Variants in CCDC186 observed in about 807,000 individuals in gnomAD.
CCDC186 encodes coiled-coil domain containing 186.
CCDC186 carries 49 observed loss-of-function variants against 113.7 expected under a neutral mutation model. The ratio of observed to expected loss-of-function variants is 0.43; its 90% confidence interval spans 0.34 to 0.55. The LOEUF is 0.55. Among genes scored for constraint, CCDC186 ranks in the 20% least tolerant of loss-of-function variants. CCDC186 has a pLI of 0.02. For missense variants in CCDC186, 890 were observed against 1,011.1 expected (o/e 0.88, Z 1.62); for synonymous variants, 355 against 345.8 (o/e 1.03, Z -0.30).
chr10:114,127,252 T>C (rs1277437811), intron 14 of CCDC186, among the ~76,000 whole-genome samples: 1 of 152,220 alleles, frequency 6.6e-6, no homozygotes, highest in Non-Finnish European at 1.5e-5. Context: ...CTGAACTCTC[T>C]ATCACCTTAA....
At position 114,150,127 on chromosome 10, in the gene CCDC186, C is replaced by A. The variant is rs190514318; in HGVS notation, c.888+965G>T. Among the ~76,000 whole-genome samples the A allele has an allele frequency of 2.9e-4, 44 of 152,240 alleles. 1 individual carries two copies. The East Asian group carries it at 5.6e-3, about 19-fold the overall frequency. ...AGAATGCCATCTACAGTAGCAGCTTCGGGGTAGAAAGGGTGGGATCCATCA... is the reference window on the plus strand; with the variant it reads ...AGAATGCCATCTACAGTAGCAGCTTAGGGGTAGAAAGGGTGGGATCCATCA... On this transcript the variant is annotated intron_variant, in intron 4 of 15. Transcript: ENST00000369287.
chr10:114,157,743 G>C, intron 2 of CCDC186, 63 bp from the exon 3 acceptor site: 2 of 1,297,994 alleles, frequency 1.5e-6, no homozygotes, highest in Non-Finnish European at 2.1e-6. Flanking sequence ...ATAATATGTG[G>C]AATATAATTT....
chr10:114,140,574 G>A (rs551699179), intron 6 of CCDC186, among the ~76,000 whole-genome samples: 1 of 152,252 alleles, frequency 6.6e-6, no homozygotes, highest in African/African-American at 2.4e-5. Context: ...CAAGATGTTG[G>A]ATGTCAAATA....
chr10:114,153,837 G>T (rs1331868943), intron 3 of CCDC186, among the ~76,000 whole-genome samples: 1 of 148,512 alleles, frequency 6.7e-6, no homozygotes, highest in Non-Finnish European at 1.5e-5. Flanking sequence ...ACCTATACTT[G>T]CATCTTAAGA....
At chr10:114,149,753 GC>G (rs1442795971) in intron 4 of CCDC186, among the ~76,000 whole-genome samples, 11 of 38,634 alleles carry the variant, frequency 2.8e-4, no homozygotes, top group Non-Finnish European at 3.6e-4. Context: ...AGGCAGGAAG[GC>G]AGGAAGGAAG....
chr10:114,132,228 A>G, intron 10 of CCDC186, 44 bp from the exon 11 acceptor site: 1 of 1,354,564 alleles, frequency 7.4e-7, no homozygotes, highest in Non-Finnish European at 9.9e-7. Context: ...AACCATTAAA[A>G]GACATTAAAT....
intron 6 of CCDC186, among the ~76,000 whole-genome samples, chr10:114,139,549 C>T (rs1365294950): frequency 2.9e-5 from 4 of 137,782 alleles, no homozygotes; most frequent in Non-Finnish European, 6.1e-5. Flanking sequence ...GGCAACAGAG[C>T]AAGACTCCAT....
Position 114,126,304 on chromosome 10 carries a change from G to C in CCDC186, c.2394-199C>G, listed in dbSNP as rs76355802. 1.0e-3 allele frequency among the ~76,000 whole-genome samples: 156 copies of C among 152,256 alleles called. No homozygotes were observed. In the East Asian group the frequency reaches 0.021, roughly 20 times the overall value. ...GTTCTATTGTAGCATTCGGAGTAAAGACATATAAACATTGCTTTTCTATTT... is the reference window on the plus strand; with the variant it reads ...GTTCTATTGTAGCATTCGGAGTAAACACATATAAACATTGCTTTTCTATTT... On this transcript the variant is annotated intron_variant, in intron 14 of 15. Transcript: ENST00000369287.
In CCDC186 at chr10:114,167,827, A is replaced by T. The variant is rs1053721373; in HGVS notation, c.-61-4498T>A. On this transcript the variant is annotated intron_variant, in intron 1 of 15. Transcript: ENST00000369287. ...AAAAAAAAAAAAAAAAAAAAAAAAA[A>T]TTGTTAAAGTTAGCTGGGCATGGTG... Among the ~76,000 whole-genome samples, 42 of 141,018 alleles carry T rather than the reference A, an allele frequency of 3.0e-4. No homozygotes were observed. The South Asian group carries it at 9.1e-3, about 30-fold the overall frequency. The allele number at this position is 141,018 out of a possible 152,430, so 92.5% of individuals were successfully genotyped here.
Position 114,162,879 on chromosome 10 carries a change from T to C in CCDC186, c.390A>G (p.Ser130=), listed in dbSNP as rs564765817. 21 of 1,614,014 alleles carry C rather than the reference T, an allele frequency of 1.3e-5. No homozygotes were observed. In the East Asian group the frequency reaches 4.5e-4, roughly 34 times the overall value. The change falls in exon 2 of 16, where the codon TCA becomes TCG. Residue 130 remains serine (S), a synonymous_variant. Transcript: ENST00000369287. ...TTTCTGAATAAGTCTTTTCATTAGC[T>C]GATTCTGGAAATGTAGATGACCTTA... is the stretch of plus-strand genomic sequence containing the variant. ...VELRSSTFPE[S]ANEKTYSESP...
intron 6 of CCDC186, among the ~76,000 whole-genome samples, chr10:114,143,419 A>T (rs1411571255): frequency 1.3e-5 from 2 of 152,182 alleles, no homozygotes; most frequent in African/African-American, 4.8e-5. Context: ...GTTTTTATGA[A>T]TTTGGAATTT....
intron 3 of CCDC186, among the ~76,000 whole-genome samples, chr10:114,152,038 G>A (rs2031871960): frequency 6.6e-6 from 1 of 152,132 alleles, no homozygotes; most frequent in Admixed American, 6.6e-5. Context: ...CACTGCATAA[G>A]TACTTTGTTA....
chr10:114,154,210 CA>C (rs1276405190), intron 3 of CCDC186, among the ~76,000 whole-genome samples: 19,865 of 81,060 alleles, frequency 0.25, 1,255 homozygotes, highest in African/African-American at 0.3. Flanking sequence ...GACCTTGTCT[CA>C]AAAAAAAAAA....
At chr10:114,165,380 C>T (rs1371107154) in intron 1 of CCDC186, among the ~76,000 whole-genome samples, 3 of 152,188 alleles carry the variant, frequency 2.0e-5, no homozygotes, top group Non-Finnish European at 2.9e-5. Flanking sequence ...ATTACCTCAC[C>T]CAAAGTAACT....
intron 4 of CCDC186, among the ~76,000 whole-genome samples, chr10:114,149,782 A>AAGGC (rs1242935388): frequency 1.6e-5 from 1 of 62,638 alleles, no homozygotes; most frequent in Non-Finnish European, 3.6e-5. Context: ...GGAAGGCAGG[A>AAGGC]AGGCAGGAAG....
intron 6 of CCDC186, among the ~76,000 whole-genome samples, chr10:114,140,594 A>G (rs1338868587): frequency 6.6e-6 from 1 of 152,228 alleles, no homozygotes; most frequent in African/African-American, 2.4e-5. Context: ...AAGCAGCTAA[A>G]TATATGAATC....
intron 6 of CCDC186, among the ~76,000 whole-genome samples, chr10:114,139,022 A>G (rs1370078564): frequency 6.6e-6 from 1 of 152,190 alleles, no homozygotes; most frequent in African/African-American, 2.4e-5. Context: ...TGATCAATAC[A>G]TTATACTATA....
In CCDC186 at chr10:114,130,224, TA is replaced by T. The variant is rs1390227522; in HGVS notation, c.2102-254del. On this transcript the variant is annotated intron_variant, in intron 12 of 15. Coordinates refer to ENST00000369287, the MANE Select transcript of CCDC186 (RefSeq NM_018017.4). ...CTTAATTACAGTGGAGTTAACTTTT[TA>T]AAGTATTGAAAGATTTAGAAGTTCC... 3 of 257,740 alleles carry T rather than the reference TA, an allele frequency of 1.2e-5. No homozygotes were observed. In the Admixed American group the frequency reaches 1.6e-4, roughly 14 times the overall value. 16.0% of individuals were successfully genotyped at this position (257,740 alleles called of 1,614,324 possible).
At chr10:114,138,188 C>T (rs985462763) in intron 6 of CCDC186, among the ~76,000 whole-genome samples, 9 of 147,274 alleles carry the variant, frequency 6.1e-5, no homozygotes, top group Admixed American at 2.0e-4. Context: ...TGCAGTGAGC[C>T]GAGACTGCAC....
Sources: allele counts gnomAD v4.1 joint callset (sites outside exome capture counted in the v4.1 genomes callset), GRCh38; gene constraint gnomAD v4.1.1; transcripts MANE v1.5; gene names NCBI Gene and HGNC (gene_info 2026-07-23, HGNC 2026-07-21).